DGKA: variants seen among roughly 807,000 people sequenced by gnomAD.
The protein encoded by DGKA is diacylglycerol kinase alpha, also known as 80 kDa diacylglycerol kinase.
Under a neutral mutation model 105.0 loss-of-function variants are expected in DGKA, and 35 were observed. The ratio of observed to expected loss-of-function variants is 0.33; its 90% CI spans 0.25 to 0.44. DGKA has a LOEUF of 0.44. DGKA is among the 20% of genes least tolerant of loss of function. The pLI is 1.00. For missense variants in DGKA, 665 were observed against 915.0 expected (o/e 0.73, Z 3.53); for synonymous variants, 296 against 332.0 (o/e 0.89, Z 1.18).
At chr12:55,951,990 G>T (rs1403562694) in intron 18 of DGKA, 45 bp from the exon 19 acceptor site, 2 of 1,608,012 alleles carry the variant, frequency 1.2e-6, no homozygotes, top group Non-Finnish European at 1.7e-6. Context: ...GACCGGGAGG[G>T]AGAGATTGAG....
intron 17 of DGKA, among the ~76,000 whole-genome samples, chr12:55,949,435 G>A (rs1430476227): frequency 1.3e-5 from 2 of 152,186 alleles, no homozygotes; most frequent in African/African-American, 4.8e-5. Flanking sequence ...CTGACCTTAG[G>A]TGATCTGCCC....
At chr12:55,928,989 T>G (rs1471615977), upstream of DGKA, among the ~76,000 whole-genome samples, 1 of 151,870 alleles carries the variant, frequency 6.6e-6, no homozygotes, top group African/African-American at 2.4e-5. Flanking sequence ...AAATCCCATC[T>G]CTACTAAAAA....
Position 55,953,380 on chromosome 12 carries a change from C to T in DGKA, c.2094C>T (p.Asp698=), listed in dbSNP as rs374495739. The part of the protein sequence containing the change: ...HTTKTLPMQI[D]GEPWMQTPCT... Reference sequence around the variant, plus strand: ...CAAAAACCCTTCCCATGCAAATTGACGGAGAACCCTGGATGCAGACGCCCT... The same window carrying T: ...CAAAAACCCTTCCCATGCAAATTGATGGAGAACCCTGGATGCAGACGCCCT... Residue 698 remains aspartate (D), a synonymous_variant, in exon 23 of 24, where the codon GAC becomes GAT. Coordinates refer to ENST00000331886, the MANE Select transcript of DGKA (RefSeq NM_001345.5). The T allele has an allele frequency of 6.6e-5, 106 of 1,613,980 alleles. No individual in the cohort carries two copies. The highest frequency in any genetic ancestry group is 8.1e-5 in the Non-Finnish European group (96 of 1,180,002).
chr12:55,940,225 T>A lies in DGKA; in HGVS notation c.798+55T>A. The A allele has an allele frequency of 6.2e-7, 1 of 1,613,702 alleles. No individual in the cohort carries two copies. ...ATCACCTACATCCTGGCCCTGGCCC[T>A]GGCCCTTGGCCCATTGCTGCCCTCA... On this transcript the variant is annotated intron_variant, in intron 10 of 23. Coordinates refer to ENST00000331886, the MANE Select transcript of DGKA (RefSeq NM_001345.5). The surrounding 1 kb of genome is among the most constrained non-coding windows in gnomAD (Gnocchi z 4.3).
In DGKA at chr12:55,952,906, C is replaced by A. The variant is rs1191639564; in HGVS notation, c.1916C>A (p.Pro639His). ...LGATAKVITD[P>H]DILKTCVPDL... ...GCTACAGCTAAAGTCATCACCGACC[C>A]TGATATCCTGAAAACCTGTGTACCA... The change falls in exon 21 of 24, where the codon CCT (proline) becomes CAT (histidine). Residue 639 changes from proline to histidine, a missense_variant. Coordinates refer to ENST00000331886, the MANE Select transcript of DGKA (RefSeq NM_001345.5). The surrounding 1 kb of genome is among the most constrained non-coding windows in gnomAD (Gnocchi z 5.1). 3 of 1,614,206 alleles carry A rather than the reference C, an allele frequency of 1.9e-6. No homozygotes were observed. In the South Asian group the frequency reaches 3.3e-5, roughly 18 times the overall value.
At chr12:55,942,414 A>G (rs916675794) in intron 17 of DGKA, 151 bp downstream of exon 17, 1 of 702,880 alleles carries the variant, frequency 1.4e-6, no homozygotes, top group South Asian at 1.8e-5. Context: ...ATGTCCAAAA[A>G]GAAGAGAGCT....
chr12:55,937,851 G>A, intron 4 of DGKA, 127 bp from the exon 5 acceptor site: 1 of 863,864 alleles, frequency 1.2e-6, no homozygotes, highest in South Asian at 1.7e-5. Context: ...GACAGAGCAA[G>A]ACCCTGTCTC....
At chr12:55,949,727 T>C (rs1035638414) in intron 17 of DGKA, among the ~76,000 whole-genome samples, 5 of 152,256 alleles carry the variant, frequency 3.3e-5, no homozygotes, top group Non-Finnish European at 5.9e-5. Context: ...TTAGTAATAC[T>C]GAGCACCTTT....
At position 55,938,918 on chromosome 12, in the gene DGKA, G is replaced by A; in HGVS notation, c.403G>A (p.Val135Met). The change falls in exon 7 of 24, where the codon GTG becomes ATG. Residue 135 changes from valine to methionine, a missense_variant. This residue lies in a region of DGKA where 504 missense variants were observed against 681.2 expected (regional missense o/e 0.74). Transcript: ENST00000331886. ...GCTCTTGCCCTTTTTGCTCCAGGAA[G>A]TGGACAAAATTATCCTACAGATGAT... ...DRNGILDSSE[V>M]DKIILQMMRV... 6.2e-7 allele frequency: 1 copy of A among 1,614,210 alleles called. No individual in the cohort carries two copies. The highest frequency in any genetic ancestry group is 8.5e-7 in the Non-Finnish European group (1 of 1,180,036).
chr12:55,947,111 G>A (rs1176516157), intron 17 of DGKA, among the ~76,000 whole-genome samples: 2 of 150,514 alleles, frequency 1.3e-5, no homozygotes, highest in South Asian at 4.2e-4. Flanking sequence ...TCAGCCTCCC[G>A]AGTAGCTGGA....
chr12:55,932,692 TACACACACAC>T lies in DGKA; in HGVS notation c.-82+1355_-82+1364del. 1 of 580,580 alleles carries T rather than the reference TACACACACAC, an allele frequency of 1.7e-6. No individual in the cohort carries two copies. Among genetic ancestry groups the T allele is most frequent in the South Asian group, 1.9e-5 (1 of 51,724 alleles). The allele number at this position is 580,580 out of a possible 1,614,324, so 36.0% of individuals were successfully genotyped here. A position where few individuals can be genotyped will look rare whatever the true frequency, so the allele number is the denominator to read the frequency against. On this transcript the variant is annotated intron_variant, in intron 1 of 23. Transcript: ENST00000331886. This position sits in a 1 kb window ranked among gnomAD's most constrained non-coding sequence, Gnocchi z 4.3. Reference sequence around the variant, plus strand: ...TCCTATACTACGCAATGACACCCTCTACACACACACACACACGCACACACACACACACACA... The same window carrying T: ...TCCTATACTACGCAATGACACCCTCTACACACGCACACACACACACACACA...
intron 2 of DGKA, 88 bp from the exon 3 acceptor site, chr12:55,936,929 A>T: frequency 8.4e-7 from 1 of 1,191,336 alleles, no homozygotes; most frequent in East Asian, 2.3e-5. Context: ...TCTTCATCTC[A>T]TTTGAATCTT....
At chr12:55,937,318 A>G (rs978023571) in intron 3 of DGKA, 90 bp from the exon 4 acceptor site, 7 of 1,479,836 alleles carry the variant, frequency 4.7e-6, no homozygotes, top group Middle Eastern at 3.6e-4. Flanking sequence ...TCAGCTCTGC[A>G]TTTATTATCC....
rs762347673 is a variant in DGKA, at chr12:55,952,721, C to G, written c.1744-13C>G. ...GTACCCTCCCTAACTGGGACTGTGC[C>G]CCCTCCTCTCAGATCTGTGGGAAAC... On this transcript the variant is annotated splice_polypyrimidine_tract_variant and intron_variant, in intron 20 of 23. Transcript: ENST00000331886. The surrounding 1 kb of genome is among the most constrained non-coding windows in gnomAD (Gnocchi z 5.1). 14 of 1,613,722 alleles carry G rather than the reference C, an allele frequency of 8.7e-6. No homozygotes were observed. The highest frequency in any genetic ancestry group is 1.2e-5 in the Non-Finnish European group (14 of 1,179,974).
At chr12:55,941,110 TAGGGGAGGGA>T in intron 13 of DGKA, 130 bp downstream of exon 13, 1 of 1,338,720 alleles carries the variant, frequency 7.5e-7, no homozygotes, top group Non-Finnish European at 1.0e-6. Flanking sequence ...TCCACCATGG[TAGGGGAGGGA>T]AGGGGAGGGA....
chr12:55,937,519 T>C lies in DGKA; in HGVS notation c.250T>C (p.Leu84=). 6.2e-7 allele frequency: 1 copy of C among 1,614,156 alleles called. No homozygotes were observed. Among genetic ancestry groups the C allele is most frequent in the East Asian group, 2.2e-5 (1 of 44,888 alleles). ...TCAATCCTTTGAGACTGGTCACTGCTTAAATGAGACAAATGTGACAAAAGG... is the reference window on the plus strand; with the variant it reads ...TCAATCCTTTGAGACTGGTCACTGCCTAAATGAGACAAATGTGACAAAAGG... ...LFQSFETGHC[L]NETNVTKDVV... is the part of the protein sequence containing the mutation. Residue 84 remains leucine, a synonymous_variant, in exon 4 of 24, where the codon TTA becomes CTA. Coordinates refer to ENST00000331886, the MANE Select transcript of DGKA (RefSeq NM_001345.5).
chr12:55,942,545 G>A (rs1886235090), intron 17 of DGKA: 3 of 405,108 alleles, frequency 7.4e-6, no homozygotes, highest in Non-Finnish European at 1.4e-5. Flanking sequence ...CAAGGAATAT[G>A]GGGGTGGGGA....
At chr12:55,941,685 C>T in intron 15 of DGKA, 101 bp downstream of exon 15, 1 of 1,231,932 alleles carries the variant, frequency 8.1e-7, no homozygotes, top group Non-Finnish European at 1.2e-6. Flanking sequence ...GAGAGGAGGG[C>T]TAGAGATCCC....
intron 3 of DGKA, 123 bp from the exon 4 acceptor site, chr12:55,937,285 C>A: frequency 1.5e-6 from 2 of 1,304,332 alleles, no homozygotes; most frequent in Non-Finnish European, 2.2e-6. Flanking sequence ...TCAAAGAAAC[C>A]ATACTCCTGC....
Sources: allele counts gnomAD v4.1 joint callset (sites outside exome capture counted in the v4.1 genomes callset), GRCh38; gene constraint gnomAD v4.1.1; regional missense constraint gnomAD v4.1.1; non-coding constraint Gnocchi (gnomAD v3.1); transcripts MANE v1.5; gene names NCBI Gene and HGNC (gene_info 2026-07-23, HGNC 2026-07-21).